The following FAM163B variants were observed in gnomAD, a reference collection of about 807,000 sequenced individuals.
FAM163B encodes the protein protein FAM163B.
Under a neutral mutation model 7.6 loss-of-function variants are expected in FAM163B, and 4 were observed. That is an observed-to-expected ratio of 0.52 (90% confidence interval 0.26 to 1.20). FAM163B has a LOEUF of 1.20. Among genes scored for constraint, FAM163B ranks in the 50% most tolerant of loss-of-function variants. FAM163B has a pLI of 0.14. For synonymous variants in FAM163B, 120 were observed against 111.6 expected (o/e 1.07, Z -0.47); for missense variants, 250 against 243.0 (o/e 1.03, Z -0.19).
chr9:133,583,599 C>T (rs1190269885), intron 1 of FAM163B, among the ~76,000 whole-genome samples: 3 of 152,160 alleles, frequency 2.0e-5, no homozygotes. Context: ...TCATCGGGTC[C>T]CTGAGGGAGC....
At chr9:133,591,618 G>A (rs1287363509) in intron 1 of FAM163B, among the ~76,000 whole-genome samples, 1 of 152,214 alleles carries the variant, frequency 6.6e-6, no homozygotes, top group Non-Finnish European at 1.5e-5. Flanking sequence ...GCGCTACCCT[G>A]CAGCTTCGGA....
At chr9:133,596,045 G>A (rs111825156) in intron 1 of FAM163B, among the ~76,000 whole-genome samples, 5 of 152,024 alleles carry the variant, frequency 3.3e-5, no homozygotes, top group Admixed American at 3.3e-4. Context: ...TGCAAGGCAG[G>A]CATGGTGGGG....
chr9:133,590,266 C>T (rs12235206), intron 1 of FAM163B, among the ~76,000 whole-genome samples: 1,585 of 141,190 alleles, frequency 0.011, 37 homozygotes, highest in Non-Finnish European at 0.019. Flanking sequence ...CTCCTTCCTT[C>T]CTTTTTTCTT....
At chr9:133,603,090 A>C (rs1831749467) in intron 1 of FAM163B, among the ~76,000 whole-genome samples, 1 of 152,256 alleles carries the variant, frequency 6.6e-6, no homozygotes, top group Non-Finnish European at 1.5e-5. Context: ...TGGGAAAATG[A>C]ACATCTTTAT....
At chr9:133,596,122 G>A (rs1000044843) in intron 1 of FAM163B, among the ~76,000 whole-genome samples, 1 of 152,124 alleles carries the variant, frequency 6.6e-6, no homozygotes, top group African/African-American at 2.4e-5. Flanking sequence ...GGGAGGAGGT[G>A]GTGGGCTGGA....
rs1831703316 is a variant in FAM163B at position 133,600,261 on chromosome 9, GT to G, written c.-24+8815del. ...GTGTGCATGTGTGTGAGTGTGGTCT[GT>G]GTGTGTGTGTGTGTGTGTGTGTGTG... On this transcript the variant is annotated intron_variant, in intron 1 of 2. Coordinates refer to ENST00000673969, the MANE Select transcript of FAM163B (RefSeq NM_001080515.3). This position sits in a 1 kb window ranked among gnomAD's most constrained non-coding sequence, Gnocchi z 4.9. Among the ~76,000 whole-genome samples, 1 of 7,054 alleles carries G rather than the reference GT, an allele frequency of 1.4e-4. No homozygotes were observed. The highest frequency in any genetic ancestry group is 2.6e-4 in the Non-Finnish European group (1 of 3,828). The allele number at this position is 7,054 out of a possible 152,430, so 4.6% of individuals were successfully genotyped here.
chr9:133,588,629 T>TTAAGGGATCTAGCATGCATGC (rs1831482362), intron 1 of FAM163B, among the ~76,000 whole-genome samples: 3 of 47,870 alleles, frequency 6.3e-5, no homozygotes, highest in African/African-American at 1.5e-4. Context: ...ATCTAGCATG[T>TTAAGGGATCTAGCATGCATGC]TGAGGGATCT....
At chr9:133,608,803 T>A (rs1301826358) in intron 1 of FAM163B, among the ~76,000 whole-genome samples, 1 of 152,176 alleles carries the variant, frequency 6.6e-6, no homozygotes, top group Non-Finnish European at 1.5e-5. Context: ...CCCAGGCCAC[T>A]GTTCCGAGGG....
At chr9:133,599,892 TG>T (rs1234591416) in intron 1 of FAM163B, among the ~76,000 whole-genome samples, 1 of 150,716 alleles carries the variant, frequency 6.6e-6, no homozygotes, top group East Asian at 2.0e-4. Flanking sequence ...TGCATATGCA[TG>T]TGCAAGTGTG....
rs1554730402 is a variant in FAM163B at position 133,608,454 on chromosome 9, C to CACCA, written c.-24+622_-24+623insTGGT. 4.6e-5 allele frequency among the ~76,000 whole-genome samples: 7 copies of CACCA among 152,078 alleles called. No individual in the cohort carries two copies. In the South Asian group the frequency reaches 1.5e-3, roughly 32 times the overall value. Reference sequence around the variant, plus strand: ...AAACCTAGTGTCAGTTAGGCAACCCCCCACCTGTCAATGAAGCAGAGATTC... The same window carrying CACCA: ...AAACCTAGTGTCAGTTAGGCAACCCCACCACCACCTGTCAATGAAGCAGAGATTC... On this transcript the variant is annotated intron_variant, in intron 1 of 2. Transcript: ENST00000673969.
chr9:133,594,003 G>A (rs999350501), intron 1 of FAM163B, among the ~76,000 whole-genome samples: 11 of 152,236 alleles, frequency 7.2e-5, no homozygotes, highest in African/African-American at 1.2e-4. Flanking sequence ...GGGGTGGACC[G>A]TGTGGAGCAG....
Position 133,579,106 on chromosome 9 carries a change from C to G in FAM163B, c.417G>C (p.Gly139=), listed in dbSNP as rs752677803. 1.9e-6 allele frequency: 3 copies of G among 1,604,208 alleles called. No individual in the cohort carries two copies. The highest frequency in any genetic ancestry group is 4.5e-5 in the East Asian group (2 of 44,800). ...EDVELPPGGF[G]GLQALNPNRL... ...GGTTGGGGTTGAGCGCCTGCAGGCCCCCGAAGCCCCCCGGGGGCAGCTCCA... is the reference window on the plus strand; with the variant it reads ...GGTTGGGGTTGAGCGCCTGCAGGCCGCCGAAGCCCCCCGGGGGCAGCTCCA... The change falls in exon 3 of 3, where the codon GGG becomes GGC. Residue 139 remains glycine (G), a synonymous_variant. Coordinates refer to ENST00000673969, the MANE Select transcript of FAM163B (RefSeq NM_001080515.3).
rs773231301 is a variant in FAM163B, at chr9:133,579,095, G to C, written c.428C>G (p.Ala143Gly). The change falls in exon 3 of 3, where the codon GCG becomes GGG. Residue 143 changes from alanine (A) to glycine (G), a missense_variant. Coordinates refer to ENST00000673969, the MANE Select transcript of FAM163B (RefSeq NM_001080515.3). ...GGCTGAGAGGCGGTTGGGGTTGAGC[G>C]CCTGCAGGCCCCCGAAGCCCCCCGG... ...LPPGGFGGLQ[A>G]LNPNRLSAMR... The C allele has an allele frequency of 1.3e-5, 20 of 1,598,366 alleles. No homozygotes were observed. In the South Asian group the frequency reaches 2.1e-4, roughly 17 times the overall value.
chr9:133,579,204 G>T lies in FAM163B; in HGVS notation c.319C>A (p.Pro107Thr). Residue 107 changes from proline (P) to threonine (T), a missense_variant, in exon 3 of 3, where the codon CCG becomes ACG. Transcript: ENST00000673969. ...AGCACGTCCTCTTCCTCCTCCGGCG[G>T]CTCCTGCAGGAAGAAGGTGGGGGGC... ...CEPPTFFLQEPPEEEEDVLNG... is the reference protein window; with the variant it reads ...CEPPTFFLQETPEEEEDVLNG... 2 of 1,612,116 alleles carry T rather than the reference G, an allele frequency of 1.2e-6. No homozygotes were observed. Among genetic ancestry groups the T allele is most frequent in the African/African-American group, 1.3e-5 (1 of 75,050 alleles).
intron 1 of FAM163B, among the ~76,000 whole-genome samples, chr9:133,599,763 AGT>A (rs144621300): frequency 0.096 from 13,407 of 139,756 alleles, 738 homozygotes; most frequent in Middle Eastern, 0.26. Flanking sequence ...TGCATGTACA[AGT>A]GTGTTTTTGT....
chr9:133,587,409 C>A (rs1831457070), intron 1 of FAM163B, among the ~76,000 whole-genome samples: 1 of 152,186 alleles, frequency 6.6e-6, no homozygotes, highest in African/African-American at 2.4e-5. Context: ...GATTGTCCCC[C>A]CCTGGCCTGG....
Position 133,606,806 on chromosome 9 carries a change from G to T in FAM163B, c.-24+2271C>A, listed in dbSNP as rs1831795674. The stretch of plus-strand genomic sequence containing the variant: ...AGAGTCAGAGGTAATTGACTGAGAT[G>T]TAATACATCTCTCCCCTCCCGAGTG... On this transcript the variant is annotated intron_variant, in intron 1 of 2. Coordinates refer to ENST00000673969, the MANE Select transcript of FAM163B (RefSeq NM_001080515.3). The surrounding 1 kb of genome is among the most constrained non-coding windows in gnomAD (Gnocchi z 4.0). Among the ~76,000 whole-genome samples the T allele has an allele frequency of 1.3e-5, 2 of 152,118 alleles. No homozygotes were observed. The highest frequency in any genetic ancestry group is 2.9e-5 in the Non-Finnish European group (2 of 68,006).
chr9:133,602,231 G>A (rs979146855), intron 1 of FAM163B, among the ~76,000 whole-genome samples: 8 of 152,126 alleles, frequency 5.3e-5, no homozygotes, highest in African/African-American at 7.2e-5. Flanking sequence ...GGATGACGAC[G>A]GATGAGTTCT....
chr9:133,588,941 ACCTCGT>A (rs1381216967), intron 1 of FAM163B, among the ~76,000 whole-genome samples: 1 of 151,832 alleles, frequency 6.6e-6, no homozygotes, highest in Non-Finnish European at 1.5e-5. Flanking sequence ...TGTTCTGACC[ACCTCGT>A]GGTCTGAAAT....
Sources: allele counts gnomAD v4.1 joint callset (sites outside exome capture counted in the v4.1 genomes callset), GRCh38; gene constraint gnomAD v4.1.1; non-coding constraint Gnocchi (gnomAD v3.1); transcripts MANE v1.5; gene names NCBI Gene and HGNC (gene_info 2026-07-23, HGNC 2026-07-21).